LRRC8A: variants seen among roughly 807,000 people sequenced by gnomAD.
LRRC8A encodes volume-regulated anion channel subunit LRRC8A.
In LRRC8A, 24 loss-of-function variants were observed where a neutral mutation model predicts 52.5. The observed-to-expected ratio is 0.46, with a 90% CI of 0.33 to 0.64. The LOEUF (loss-of-function observed/expected upper bound fraction) is 0.64. Ranked by LOEUF, LRRC8A falls within the 30% of genes least tolerant of loss-of-function variation. The pLI is 0.02. For missense variants in LRRC8A, 677 were observed against 1,094.7 expected (o/e 0.62, Z 5.38); for synonymous variants, 492 against 494.2 (o/e 1.00, Z 0.06).
At position 128,911,681 on chromosome 9, in the gene LRRC8A, G is replaced by A. The variant is rs1459394646; in HGVS notation, c.2157+2360G>A. Among the ~76,000 whole-genome samples, 3 of 152,072 alleles carry A rather than the reference G, an allele frequency of 2.0e-5. No homozygotes were observed. Among genetic ancestry groups the A allele is most frequent in the East Asian group, 3.9e-4 (2 of 5,166 alleles). ...CTCCTCCCGCCAAGCTTGCCTGTTA[G>A]TGTCATGCCTGCTGGCTGAGGTCAC... is the stretch of plus-strand genomic sequence containing the variant. On this transcript the variant is annotated intron_variant, in intron 3 of 3. Transcript: ENST00000372600. The surrounding 1 kb of genome is among the most constrained non-coding windows in gnomAD (Gnocchi z 4.9).
intron 2 of LRRC8A, among the ~76,000 whole-genome samples, chr9:128,903,412 CTTT>C (rs534139914): frequency 2.3e-5 from 3 of 132,440 alleles, no homozygotes; most frequent in Admixed American, 7.5e-5. Context: ...AGGTGCTGTT[CTTT>C]TTTTTTTTTT....
intron 3 of LRRC8A, among the ~76,000 whole-genome samples, chr9:128,909,619 G>A (rs1840415139): frequency 6.6e-6 from 1 of 152,244 alleles, no homozygotes; most frequent in Admixed American, 6.5e-5. Context: ...TGTCCCCCAA[G>A]GTGACCTTGA....
Position 128,908,281 on chromosome 9 carries a change from G to T in LRRC8A, c.1117G>T (p.Ala373Ser). Residue 373 changes from alanine to serine, a missense_variant, in exon 3 of 4, where the codon GCC (alanine) becomes TCC (serine). Physicochemically the swap from Ala to Ser is moderately conservative, Grantham distance 99. Coordinates refer to ENST00000372600, the MANE Select transcript of LRRC8A (RefSeq NM_019594.4). ...CATCCCCGACGTCAAGAACGACTTC[G>T]CCTTCATGCTGCACCTCATTGACCA... ...SDIPDVKNDF[A>S]FMLHLIDQYD... is the part of the protein sequence containing the mutation. 6.2e-7 allele frequency: 1 copy of T among 1,614,078 alleles called. No individual in the cohort carries two copies. Among genetic ancestry groups the T allele is most frequent in the Non-Finnish European group, 8.5e-7 (1 of 1,180,024 alleles).
At chr9:128,882,536 C>T in intron 1 of LRRC8A, 1 of 396,134 alleles carries the variant, frequency 2.5e-6, no homozygotes, top group Non-Finnish European at 4.4e-6. Context: ...GCCTCGGCTC[C>T]CCCATGTCCC....
chr9:128,904,373 G>T (rs1157579249), intron 2 of LRRC8A, among the ~76,000 whole-genome samples: 7 of 151,966 alleles, frequency 4.6e-5, no homozygotes, highest in Non-Finnish European at 8.8e-5. Context: ...ACAAAAATTA[G>T]CTGGGCGTGG....
intron 1 of LRRC8A, 96 bp from the exon 2 acceptor site, chr9:128,885,919 G>A (rs1223366583): frequency 6.6e-6 from 1 of 152,242 alleles, no homozygotes; most frequent in Non-Finnish European, 1.5e-5. Context: ...CCAAGGGCCT[G>A]CTACCAAGCA....
In LRRC8A at chr9:128,908,068, C is replaced by A; in HGVS notation, c.904C>A (p.Leu302Met). The A allele has an allele frequency of 6.2e-7, 1 of 1,614,084 alleles. No homozygotes were observed. The highest frequency in any genetic ancestry group is 8.5e-7 in the Non-Finnish European group (1 of 1,180,026). The stretch of plus-strand genomic sequence containing the variant: ...GGACTGCACCGTGGACATTGAGAGC[C>A]TGACGGGCTACCGCACCTACCGCTG... ...DVDCTVDIES[L>M]TGYRTYRCAH... is the part of the protein sequence containing the mutation. Residue 302 changes from leucine to methionine, a missense_variant, in exon 3 of 4, where the codon CTG becomes ATG. Physicochemically the swap from Leu to Met is conservative, Grantham distance 15. Around this residue, in one of 4 missense-constraint regions of LRRC8A, gnomAD observed 422 missense variants for 741.5 expected, o/e 0.57. Transcript: ENST00000372600.
rs1194790227 is a variant in LRRC8A at position 128,911,046 on chromosome 9, G to T, written c.2157+1725G>T. On this transcript the variant is annotated intron_variant, in intron 3 of 3. Transcript: ENST00000372600. The surrounding 1 kb of genome is among the most constrained non-coding windows in gnomAD (Gnocchi z 4.9). ...GTCCTCCCAACAGGGTCTGTCTATA[G>T]CATCCTCAGGCACGGAGGGAGGTGG... Among the ~76,000 whole-genome samples, 1 of 152,120 alleles carries T rather than the reference G, an allele frequency of 6.6e-6. No individual in the cohort carries two copies. Among genetic ancestry groups the T allele is most frequent in the Non-Finnish European group, 1.5e-5 (1 of 68,018 alleles).
chr9:128,912,142 C>T (rs1325477336), intron 3 of LRRC8A, among the ~76,000 whole-genome samples: 1 of 152,200 alleles, frequency 6.6e-6, no homozygotes, highest in Non-Finnish European at 1.5e-5. Flanking sequence ...CTAGGCTGGT[C>T]TTTAAACTCC....
rs1314762343 is a variant in LRRC8A, at chr9:128,905,242, AAC to A, written c.-8-1913_-8-1912del. 3.3e-5 allele frequency among the ~76,000 whole-genome samples: 5 copies of A among 152,338 alleles called. No homozygotes were observed. In the East Asian group the frequency reaches 7.7e-4, roughly 23 times the overall value. ...GAAGGTTATTATTCAGTGAAAAGTT[AAC>A]AGTGTGTAACCCTGGTGGGGATTGT... is the stretch of plus-strand genomic sequence containing the variant. On this transcript the variant is annotated intron_variant, in intron 2 of 3. Coordinates refer to ENST00000372600, the MANE Select transcript of LRRC8A (RefSeq NM_019594.4).
rs565970456 is a variant in LRRC8A, at chr9:128,914,921, C to T, written c.2158-1175C>T. 1.1e-4 allele frequency among the ~76,000 whole-genome samples: 17 copies of T among 152,298 alleles called. No individual in the cohort carries two copies. In the South Asian group the frequency reaches 2.9e-3, roughly 26 times the overall value. ...GCAGCCCCCTGTTTGCTCCTTGCTC[C>T]GCTAACAGTGTGGACGGTTCACCAG... On this transcript the variant is annotated intron_variant, in intron 3 of 3. Coordinates refer to ENST00000372600, the MANE Select transcript of LRRC8A (RefSeq NM_019594.4).
chr9:128,891,329 T>G (rs2130947729), intron 2 of LRRC8A, among the ~76,000 whole-genome samples: 1 of 151,008 alleles, frequency 6.6e-6, no homozygotes, highest in South Asian at 2.1e-4. Context: ...ACTTAGAGGT[T>G]GAGACTGGAG....
intron 2 of LRRC8A, among the ~76,000 whole-genome samples, chr9:128,886,680 C>T (rs937763157): frequency 1.3e-5 from 2 of 152,100 alleles, no homozygotes; most frequent in South Asian, 2.1e-4. Context: ...AAAACAGTTC[C>T]CAGAGGCAGG....
At chr9:128,896,100 G>C (rs1839814114) in intron 2 of LRRC8A, among the ~76,000 whole-genome samples, 1 of 152,174 alleles carries the variant, frequency 6.6e-6, no homozygotes, top group African/African-American at 2.4e-5. Context: ...CATTATCTTG[G>C]TTTGGAGACT....
At chr9:128,894,168 A>G (rs1286726715) in intron 2 of LRRC8A, among the ~76,000 whole-genome samples, 1 of 151,590 alleles carries the variant, frequency 6.6e-6, no homozygotes, top group Non-Finnish European at 1.5e-5. Context: ...GGCGTGAGCC[A>G]CCGTGCCCAG....
intron 2 of LRRC8A, among the ~76,000 whole-genome samples, chr9:128,891,397 C>CA (rs1277552608): frequency 6.6e-6 from 1 of 152,150 alleles, no homozygotes; most frequent in African/African-American, 2.4e-5. Flanking sequence ...CCTATCTCTA[C>CA]AAAAAATTTT....
rs934847811 is a variant in LRRC8A at position 128,909,806 on chromosome 9, T to C, written c.2157+485T>C. ...CCGGGTCCACCCAGGACAGAAACTGTGTGGGTGGCCAGTGCTGGCTGAGGG... is the reference window on the plus strand; with the variant it reads ...CCGGGTCCACCCAGGACAGAAACTGCGTGGGTGGCCAGTGCTGGCTGAGGG... On this transcript the variant is annotated intron_variant, in intron 3 of 3. Coordinates refer to ENST00000372600, the MANE Select transcript of LRRC8A (RefSeq NM_019594.4). 2.6e-5 allele frequency among the ~76,000 whole-genome samples: 4 copies of C among 151,546 alleles called. No homozygotes were observed. The South Asian group carries it at 6.2e-4, about 24-fold the overall frequency.
intron 3 of LRRC8A, among the ~76,000 whole-genome samples, chr9:128,909,742 C>T (rs1241942519): frequency 2.0e-5 from 3 of 152,188 alleles, no homozygotes; most frequent in African/African-American, 7.2e-5. Flanking sequence ...GTGTCTTCCT[C>T]AGCTTGTTCC....
intron 2 of LRRC8A, among the ~76,000 whole-genome samples, chr9:128,896,885 C>A (rs909908128): frequency 2.6e-5 from 4 of 151,656 alleles, no homozygotes; most frequent in Non-Finnish European, 5.9e-5. Context: ...CCAGGCCCAG[C>A]TAATTTTTTT....
Sources: allele counts gnomAD v4.1 joint callset (sites outside exome capture counted in the v4.1 genomes callset), GRCh38; gene constraint gnomAD v4.1.1; regional missense constraint gnomAD v4.1.1; non-coding constraint Gnocchi (gnomAD v3.1); transcripts MANE v1.5; gene names NCBI Gene and HGNC (gene_info 2026-07-23, HGNC 2026-07-21).